The following KIAA1217 variants were observed in gnomAD, a reference collection of about 807,000 sequenced individuals.
The protein encoded by KIAA1217 is KIAA1217.
Under a neutral mutation model 163.9 loss-of-function variants are expected in KIAA1217, and 88 were observed. That is an observed-to-expected ratio of 0.54 (90% CI 0.45 to 0.64). KIAA1217 has a LOEUF of 0.64. Ranked by LOEUF, KIAA1217 falls within the 30% of genes least tolerant of loss-of-function variation. The pLI is 0.00. For missense variants in KIAA1217, 2,372 were observed against 2,475.0 expected (o/e 0.96, Z 0.88); for synonymous variants, 903 against 923.1 (o/e 0.98, Z 0.39).
Position 23,893,982 on chromosome 10 carries a change from A to T in KIAA1217, c.-320-113243A>T, listed in dbSNP as rs546992119. ...TCTCAATAAATTAGGTATTGATGGG[A>T]TGTATCTCAAAATAATAAGAACTAT... On this transcript the variant is annotated intron_variant, in intron 1 of 18. Transcript: ENST00000376462. Among the ~76,000 whole-genome samples, 127 of 152,210 alleles carry T rather than the reference A, an allele frequency of 8.3e-4. 2 individuals carry two copies. The South Asian group carries it at 0.026, about 31-fold the overall frequency.
In KIAA1217 at chr10:24,286,657, T is replaced by A. The variant is rs80124457; in HGVS notation, c.354+66748T>A. 9.5e-3 allele frequency among the ~76,000 whole-genome samples: 1,447 copies of A among 152,308 alleles called. 29 individuals carry two copies. Among genetic ancestry groups the A allele is most frequent in the East Asian group, 0.084 (436 of 5,184 alleles). The stretch of plus-strand genomic sequence containing the variant: ...CCTTTATATTCTCTTCATCCTTTGC[T>A]GATTCTGGCTTTAAAAGACTTCAGA... On this transcript the variant is annotated intron_variant, in intron 2 of 20. Transcript: ENST00000376454.
intron 1 of KIAA1217, among the ~76,000 whole-genome samples, chr10:23,699,270 CCCA>C (rs1836259340): frequency 1.3e-5 from 2 of 152,176 alleles, no homozygotes; most frequent in Admixed American, 1.3e-4. Context: ...CTGGGTGTTC[CCCA>C]CATCTTCTTT....
chr10:24,389,830 TG>T (rs1171200089), intron 3 of KIAA1217, among the ~76,000 whole-genome samples: 1 of 152,190 alleles, frequency 6.6e-6, no homozygotes, highest in Non-Finnish European at 1.5e-5. Context: ...TGTTTTGTTT[TG>T]TTTTTTTTCA....
chr10:23,961,082 A>T (rs1433203609), intron 1 of KIAA1217, among the ~76,000 whole-genome samples: 1 of 152,226 alleles, frequency 6.6e-6, no homozygotes, highest in Admixed American at 6.5e-5. Flanking sequence ...AACACTTTAA[A>T]GGTAGGAATT....
intron 2 of KIAA1217, among the ~76,000 whole-genome samples, chr10:24,050,394 G>A (rs888510441): frequency 3.3e-5 from 5 of 152,166 alleles, no homozygotes; most frequent in African/African-American, 9.7e-5. Flanking sequence ...CCTATGTCCT[G>A]AATGGTATTG....
At chr10:24,056,321 C>G (rs1053825245) in intron 2 of KIAA1217, among the ~76,000 whole-genome samples, 4 of 151,666 alleles carry the variant, frequency 2.6e-5, no homozygotes, top group Non-Finnish European at 5.9e-5. Flanking sequence ...GAGGGAGGCC[C>G]CATCTCAAAA....
At chr10:24,283,791 A>G (rs1220131432) in intron 2 of KIAA1217, among the ~76,000 whole-genome samples, 1 of 152,184 alleles carries the variant, frequency 6.6e-6, no homozygotes, top group African/African-American at 2.4e-5. Flanking sequence ...AGCATTTGAT[A>G]TTATCATTTT....
Position 23,902,295 on chromosome 10 carries a change from C to T in KIAA1217, c.-320-104930C>T, listed in dbSNP as rs1187237701. ...CAGAAAACCAAATACCACACATTCTCACTTATAAGTGGGAGCTACGTGATA... is the reference window on the plus strand; with the variant it reads ...CAGAAAACCAAATACCACACATTCTTACTTATAAGTGGGAGCTACGTGATA... On this transcript the variant is annotated intron_variant, in intron 1 of 18. Transcript: ENST00000376462. Among the ~76,000 whole-genome samples the T allele has an allele frequency of 2.0e-5, 3 of 152,050 alleles. No homozygotes were observed. The East Asian group carries it at 5.8e-4, about 29-fold the overall frequency.
chr10:24,121,110 CT>C lies in KIAA1217; in HGVS notation c.-170-98513del, dbSNP rs1188676376. On this transcript the variant is annotated intron_variant, in intron 2 of 18. Transcript: ENST00000376462. ...TTCTTTTTGTTTGCTGTTGTTGTTT[CT>C]TTCATTCAGCTGTCTAGCTTCCAAG... is the stretch of plus-strand genomic sequence containing the variant. 6.6e-5 allele frequency among the ~76,000 whole-genome samples: 10 copies of C among 152,190 alleles called. No homozygotes were observed. In the East Asian group the frequency reaches 1.7e-3, roughly 26 times the overall value.
At position 24,381,747 on chromosome 10, in the gene KIAA1217, C is replaced by G. The variant is rs1439504849; in HGVS notation, c.553+680C>G. 3.9e-5 allele frequency among the ~76,000 whole-genome samples: 6 copies of G among 152,300 alleles called. No homozygotes were observed. In the East Asian group the frequency reaches 1.2e-3, roughly 29 times the overall value. The stretch of plus-strand genomic sequence containing the variant: ...ATGATCCTCTTCTCACCTTGCAACC[C>G]TCCTCTCCAGTCCCAGAGGCCAGGA... On this transcript the variant is annotated intron_variant, in intron 3 of 20. Coordinates refer to ENST00000376454, the MANE Select transcript of KIAA1217 (RefSeq NM_019590.5).
intron 2 of KIAA1217, among the ~76,000 whole-genome samples, chr10:24,286,436 A>G (rs968307615): frequency 2.6e-5 from 4 of 151,872 alleles, no homozygotes; most frequent in African/African-American, 9.7e-5. Context: ...ATACACACAC[A>G]CACACGCATA....
intron 1 of KIAA1217, among the ~76,000 whole-genome samples, chr10:23,944,224 A>C (rs1843914500): frequency 6.6e-6 from 1 of 152,220 alleles, no homozygotes; most frequent in African/African-American, 2.4e-5. Context: ...CAGGAGTTCA[A>C]GACCTGCCTG....
chr10:24,498,087 G>A (rs561377931), intron 8 of KIAA1217, among the ~76,000 whole-genome samples: 2 of 152,264 alleles, frequency 1.3e-5, no homozygotes, highest in African/African-American at 4.8e-5. Context: ...GTAGTGGCGT[G>A]AAGGCGTTAG....
chr10:24,319,712 C>T (rs1400971100), intron 2 of KIAA1217, among the ~76,000 whole-genome samples: 3 of 152,172 alleles, frequency 2.0e-5, no homozygotes, highest in Non-Finnish European at 4.4e-5. Flanking sequence ...GCCTTAGCAA[C>T]GCACTTATGC....
At chr10:23,987,392 A>AAAAAC (rs1846021742) in intron 1 of KIAA1217, among the ~76,000 whole-genome samples, 1 of 147,904 alleles carries the variant, frequency 6.8e-6, no homozygotes, top group Non-Finnish European at 1.5e-5. Flanking sequence ...AAAAAAAAAA[A>AAAAAC]GCCACCCTTC....
At chr10:24,273,945 G>T (rs906286893) in intron 2 of KIAA1217, among the ~76,000 whole-genome samples, 4 of 151,948 alleles carry the variant, frequency 2.6e-5, no homozygotes, top group African/African-American at 4.8e-5. Flanking sequence ...AAAAATGTAG[G>T]ATCTTAGTCC....
chr10:24,351,915 C>T (rs1447885902), intron 2 of KIAA1217, among the ~76,000 whole-genome samples: 1 of 152,178 alleles, frequency 6.6e-6, no homozygotes, highest in Admixed American at 6.5e-5. Flanking sequence ...CACAAGCCAC[C>T]ACCCTGCTGC....
intron 2 of KIAA1217, among the ~76,000 whole-genome samples, chr10:24,317,323 C>T (rs892165897): frequency 7.9e-5 from 12 of 152,064 alleles, no homozygotes; most frequent in Non-Finnish European, 1.3e-4. Context: ...CCTGCTATGT[C>T]GCCCAGGCTG....
chr10:23,847,736 A>T (rs1291619042), intron 1 of KIAA1217, among the ~76,000 whole-genome samples: 1 of 151,858 alleles, frequency 6.6e-6, no homozygotes, highest in African/African-American at 2.4e-5. Flanking sequence ...CTCTGATATT[A>T]GTTCTTTCTT....
Sources: gnomAD v4.1 joint callset for allele counts (sites outside exome capture counted in the v4.1 genomes callset) on GRCh38, gnomAD v4.1.1 for gene constraint, MANE v1.5 for transcripts, NCBI Gene and HGNC (gene_info 2026-07-23, HGNC 2026-07-21) for gene names.